CCDC60: variants seen among roughly 807,000 people sequenced by gnomAD.
CCDC60 encodes coiled-coil domain-containing protein 60.
In CCDC60, 54 loss-of-function variants were observed where a neutral mutation model predicts 63.5. That is an observed-to-expected ratio of 0.85 (90% CI 0.68 to 1.07). CCDC60 has a LOEUF of 1.07. Ranked by LOEUF, CCDC60 falls within the 50% of genes least tolerant of loss-of-function variation. The pLI is 0.00. For missense variants in CCDC60, 651 were observed against 684.3 expected, an observed-to-expected ratio of 0.95 and a Z score of 0.54; for synonymous variants, 206 against 238.8, an observed-to-expected ratio of 0.86 and a Z score of 1.27.
chr12:119,415,444 A>C (rs950085686), intron 1 of CCDC60, among the ~76,000 whole-genome samples: 3 of 152,368 alleles, frequency 2.0e-5, no homozygotes, highest in Middle Eastern at 3.4e-3. Flanking sequence ...CAGGAGCTAG[A>C]TCACAGAGCT....
At chr12:119,353,815 G>A (rs73404383) in intron 1 of CCDC60, among the ~76,000 whole-genome samples, 22,466 of 152,018 alleles carry the variant, frequency 0.15, 1,943 homozygotes, top group South Asian at 0.35. Context: ...GCTTACGCCT[G>A]TAATCCCAGC....
chr12:119,468,816 G>A lies in CCDC60; in HGVS notation c.171-3178G>A, dbSNP rs201761907. Among the ~76,000 whole-genome samples, 117 of 151,980 alleles carry A rather than the reference G, an allele frequency of 7.7e-4. No homozygotes were observed. The East Asian group carries it at 0.015, about 20-fold the overall frequency. Reference sequence around the variant, plus strand: ...AGGCCAGGTGCAGTGGCTCATGCTTGTAATCCCAGCATTTTGGGAGGCTGA... The same window carrying A: ...AGGCCAGGTGCAGTGGCTCATGCTTATAATCCCAGCATTTTGGGAGGCTGA... On this transcript the variant is annotated intron_variant, in intron 2 of 13. Coordinates refer to ENST00000327554, the MANE Select transcript of CCDC60 (RefSeq NM_178499.5).
chr12:119,352,127 G>A (rs1955662227), intron 1 of CCDC60, among the ~76,000 whole-genome samples: 2 of 152,114 alleles, frequency 1.3e-5, no homozygotes, highest in South Asian at 2.1e-4. Context: ...CAGTAGGAGA[G>A]AGAGAAAGTG....
chr12:119,437,264 A>G (rs1333193226), intron 2 of CCDC60, among the ~76,000 whole-genome samples: 2 of 152,158 alleles, frequency 1.3e-5, no homozygotes, highest in Admixed American at 6.5e-5. Flanking sequence ...AAACAATGCA[A>G]GTTCGATGAC....
At chr12:119,461,859 G>A (rs149729442) in intron 2 of CCDC60, among the ~76,000 whole-genome samples, 1 of 152,132 alleles carries the variant, frequency 6.6e-6, no homozygotes, top group Non-Finnish European at 1.5e-5. Flanking sequence ...AAAATGTAGG[G>A]AACACACGGA....
At chr12:119,372,488 C>T (rs1955907601) in intron 1 of CCDC60, among the ~76,000 whole-genome samples, 1 of 152,074 alleles carries the variant, frequency 6.6e-6, no homozygotes. Flanking sequence ...TTCCAGGGTC[C>T]CAGGGTAACA....
chr12:119,344,107 T>C (rs949303690), intron 1 of CCDC60, among the ~76,000 whole-genome samples: 1 of 152,154 alleles, frequency 6.6e-6, no homozygotes, highest in Non-Finnish European at 1.5e-5. Flanking sequence ...TTCTCAAATT[T>C]GGCACTATTG....
intron 4 of CCDC60, among the ~76,000 whole-genome samples, chr12:119,482,330 CTAT>C (rs752211483): frequency 7.9e-5 from 12 of 151,050 alleles, no homozygotes; most frequent in South Asian, 2.1e-4. Flanking sequence ...TAGGCTATTA[CTAT>C]TATTATTATT....
At chr12:119,506,216 C>T (rs1951996077) in intron 7 of CCDC60, among the ~76,000 whole-genome samples, 2 of 152,076 alleles carry the variant, frequency 1.3e-5, no homozygotes, top group African/African-American at 4.8e-5. Context: ...CTTTTCTGAA[C>T]ATTTTATAGA....
chr12:119,503,201 C>T (rs1345206076), intron 6 of CCDC60, among the ~76,000 whole-genome samples: 8 of 152,094 alleles, frequency 5.3e-5, no homozygotes, highest in East Asian at 1.9e-4. Context: ...AAAAAAATTA[C>T]GTTGATCTGA....
chr12:119,426,086 T>C (rs1288039104), intron 1 of CCDC60, among the ~76,000 whole-genome samples: 1 of 152,156 alleles, frequency 6.6e-6, no homozygotes, highest in Non-Finnish European at 1.5e-5. Flanking sequence ...GAGGGTGGTC[T>C]CTCCACCCGC....
intron 7 of CCDC60, among the ~76,000 whole-genome samples, chr12:119,512,806 T>C (rs945193666): frequency 2.0e-5 from 3 of 152,244 alleles, no homozygotes; most frequent in African/African-American, 4.8e-5. Context: ...AGAATATGTG[T>C]TTAAGGCTCT....
chr12:119,372,621 G>A (rs1955908691), intron 1 of CCDC60, among the ~76,000 whole-genome samples: 1 of 152,142 alleles, frequency 6.6e-6, no homozygotes, highest in Non-Finnish European at 1.5e-5. Context: ...AAATGCTTCA[G>A]TGTTCAGCCT....
intron 1 of CCDC60, among the ~76,000 whole-genome samples, chr12:119,354,149 A>G (rs1351759250): frequency 2.0e-5 from 3 of 151,822 alleles, no homozygotes; most frequent in Non-Finnish European, 4.4e-5. Context: ...CTCCATCATG[A>G]CACCTAACAA....
chr12:119,370,704 C>T (rs961008491), intron 1 of CCDC60, among the ~76,000 whole-genome samples: 1 of 152,116 alleles, frequency 6.6e-6, no homozygotes, highest in African/African-American at 2.4e-5. Context: ...TGGGGGCATT[C>T]ATCAAAAACA....
At position 119,520,104 on chromosome 12, in the gene CCDC60, C is replaced by T; in HGVS notation, c.969-17C>T. On this transcript the variant is annotated splice_polypyrimidine_tract_variant and intron_variant, in intron 8 of 13. Transcript: ENST00000327554. ...ATGAATTCAGCGCCTTGTTAAAGGA[C>T]TCATTTTGCCTTGCAGCATCTTGTC... 1.2e-6 allele frequency: 2 copies of T among 1,611,276 alleles called. No individual in the cohort carries two copies. Among genetic ancestry groups the T allele is most frequent in the Non-Finnish European group, 1.7e-6 (2 of 1,178,650 alleles).
intron 7 of CCDC60, among the ~76,000 whole-genome samples, chr12:119,512,452 C>A (rs117720987): frequency 0.01 from 1,587 of 152,276 alleles, 11 homozygotes; most frequent in Middle Eastern, 0.02. Context: ...AGGAGAAGAC[C>A]TGCAAGTGAA....
chr12:119,529,517 T>C (rs1952780182), intron 12 of CCDC60, among the ~76,000 whole-genome samples: 1 of 152,132 alleles, frequency 6.6e-6, no homozygotes, highest in Non-Finnish European at 1.5e-5. Flanking sequence ...TACACTAAGA[T>C]TTAAGAGTAA....
chr12:119,404,338 C>G (rs969469483), intron 1 of CCDC60, among the ~76,000 whole-genome samples: 2 of 152,102 alleles, frequency 1.3e-5, no homozygotes, highest in African/African-American at 4.8e-5. Flanking sequence ...TGTCCTCCAC[C>G]CTTGCTGGGT....
Sources: gnomAD v4.1 joint callset for allele counts (sites outside exome capture counted in the v4.1 genomes callset) on GRCh38, gnomAD v4.1.1 for gene constraint, MANE v1.5 for transcripts, NCBI Gene and HGNC (gene_info 2026-07-23, HGNC 2026-07-21) for gene names.